GPR55: variants seen among roughly 807,000 people sequenced by gnomAD.
GPR55 encodes the protein G protein-coupled receptor 55, also known as G-protein coupled receptor 55.
GPR55 carries 6 observed loss-of-function variants against 7.9 expected under a neutral mutation model. The observed-to-expected ratio is 0.76, with a 90% CI of 0.41 to 1.49. The LOEUF is 1.49. Ranked by LOEUF, GPR55 falls within the 40% of genes most tolerant of loss-of-function variation. The pLI, the probability that GPR55 is intolerant of heterozygous loss-of-function variation, is 0.01. For missense variants in GPR55, 376 were observed against 406.0 expected, an observed-to-expected ratio of 0.93 and a Z score of 0.63; for synonymous variants, 183 against 166.8, an observed-to-expected ratio of 1.10 and a Z score of -0.75.
chr2:230,945,528 C>T (rs1691299835), intron 1 of GPR55, among the ~76,000 whole-genome samples: 1 of 152,208 alleles, frequency 6.6e-6, no homozygotes, highest in African/African-American at 2.4e-5. Flanking sequence ...ATGGAGGAAT[C>T]TGAATATGGA....
intron 1 of GPR55, among the ~76,000 whole-genome samples, chr2:230,931,664 A>T (rs1314471148): frequency 2.0e-5 from 3 of 152,018 alleles, no homozygotes; most frequent in Non-Finnish European, 1.5e-5. Flanking sequence ...CGACCGCTGC[A>T]CCCACGAGGG....
chr2:230,917,143 G>C (rs1019916830), intron 1 of GPR55, among the ~76,000 whole-genome samples: 3 of 152,076 alleles, frequency 2.0e-5, no homozygotes, highest in Non-Finnish European at 4.4e-5. Flanking sequence ...CAATTGCGAG[G>C]GCAAATGTAG....
upstream of GPR55, among the ~76,000 whole-genome samples, chr2:230,927,750 T>C (rs906463832): frequency 1.3e-5 from 2 of 152,214 alleles, no homozygotes; most frequent in Non-Finnish European, 2.9e-5. Context: ...AATCTGACTG[T>C]GTTTATCAAA....
At chr2:230,930,342 A>G (rs1691015007) in intron 1 of GPR55, among the ~76,000 whole-genome samples, 1 of 152,100 alleles carries the variant, frequency 6.6e-6, no homozygotes, top group Non-Finnish European at 1.5e-5. Flanking sequence ...CACTTTAGCT[A>G]TTGAATTCCT....
intron 1 of GPR55, among the ~76,000 whole-genome samples, chr2:230,914,253 A>G (rs1690660010): frequency 6.6e-6 from 1 of 152,238 alleles, no homozygotes; most frequent in Non-Finnish European, 1.5e-5. Flanking sequence ...CTCCATTGAC[A>G]GTAGCAGGTA....
chr2:230,930,653 A>G (rs1691021454), intron 1 of GPR55, among the ~76,000 whole-genome samples: 1 of 151,704 alleles, frequency 6.6e-6, no homozygotes, highest in African/African-American at 2.4e-5. Flanking sequence ...AAAGGCATTG[A>G]GAGGTTTTGC....
chr2:230,915,454 G>A (rs1183940986), intron 1 of GPR55, among the ~76,000 whole-genome samples: 2 of 152,230 alleles, frequency 1.3e-5, no homozygotes, highest in African/African-American at 4.8e-5. Flanking sequence ...TCCTCCAGAA[G>A]GAAGTAGCAT....
At chr2:230,918,975 C>T (rs1014015789) in intron 1 of GPR55, among the ~76,000 whole-genome samples, 1 of 152,080 alleles carries the variant, frequency 6.6e-6, no homozygotes, top group Non-Finnish European at 1.5e-5. Flanking sequence ...AGACTATGCA[C>T]TAACACATTT....
At position 230,923,441 on chromosome 2, in the gene GPR55, A is replaced by C. The variant is rs1192150593; in HGVS notation, c.-135+1727T>G. ...CCCAAAAATGCCGCAGTTAGAATAC[A>C]CAGCGTATCCACCAGTAACACCATA... On this transcript the variant is annotated intron_variant, in intron 1 of 1. Coordinates refer to ENST00000650999, the MANE Select transcript of GPR55 (RefSeq NM_005683.4). The surrounding 1 kb of genome is among the most constrained non-coding windows in gnomAD (Gnocchi z 4.1). Among the ~76,000 whole-genome samples, 1 of 152,220 alleles carries C rather than the reference A, an allele frequency of 6.6e-6. No individual in the cohort carries two copies. The highest frequency in any genetic ancestry group is 6.5e-5 in the Admixed American group (1 of 15,278).
At chr2:230,931,979 C>T (rs1021372178) in intron 1 of GPR55, among the ~76,000 whole-genome samples, 5 of 152,236 alleles carry the variant, frequency 3.3e-5, no homozygotes, top group African/African-American at 9.6e-5. Context: ...CACCCCAGCC[C>T]GGTCCCGTCG....
intron 1 of GPR55, among the ~76,000 whole-genome samples, chr2:230,914,751 T>C (rs868704010): frequency 6.6e-6 from 1 of 152,140 alleles, no homozygotes; most frequent in African/African-American, 2.4e-5. Context: ...AACCCAGGGG[T>C]CCACCCCAAT....
intron 1 of GPR55, among the ~76,000 whole-genome samples, chr2:230,942,899 T>C (rs1289475009): frequency 6.6e-6 from 1 of 152,072 alleles, no homozygotes; most frequent in African/African-American, 2.4e-5. Flanking sequence ...AGACCAATTT[T>C]TCCTTCATCA....
chr2:230,911,277 T>C (rs1690586397), intron 1 of GPR55, among the ~76,000 whole-genome samples, 181 bp from the exon 2 acceptor site: 1 of 152,220 alleles, frequency 6.6e-6, no homozygotes, highest in Non-Finnish European at 1.5e-5. Context: ...AGAACTCCTT[T>C]TGTTGAAAGA....
intron 1 of GPR55, among the ~76,000 whole-genome samples, chr2:230,939,468 G>T (rs932330809): frequency 1.3e-5 from 2 of 152,212 alleles, no homozygotes; most frequent in African/African-American, 4.8e-5. Flanking sequence ...GTTCTTCTCG[G>T]AAGTGGCCCA....
upstream of GPR55, chr2:230,928,566 G>A (rs944856932): frequency 6.6e-6 from 1 of 152,192 alleles, no homozygotes; most frequent in East Asian, 1.9e-4. Context: ...GTTGTTTTAG[G>A]AGTCGGCATG....
chr2:230,929,158 G>C (rs568356616), upstream of GPR55, among the ~76,000 whole-genome samples: 1 of 152,066 alleles, frequency 6.6e-6, no homozygotes, highest in African/African-American at 2.4e-5. Flanking sequence ...CGGCCACCAA[G>C]CCCCACTTAA....
chr2:230,938,259 C>T (rs944639754), intron 1 of GPR55, among the ~76,000 whole-genome samples: 5 of 148,758 alleles, frequency 3.4e-5, no homozygotes, highest in Admixed American at 2.7e-4. Context: ...GCCCCCTTAA[C>T]TGCCATTTGA....
At chr2:230,942,840 C>G (rs1461228019) in intron 1 of GPR55, among the ~76,000 whole-genome samples, 7 of 151,862 alleles carry the variant, frequency 4.6e-5, no homozygotes, top group Non-Finnish European at 1.0e-4. Flanking sequence ...GGGGAAGAGA[C>G]ACGGAAGGGG....
At chr2:230,949,409 G>A (rs56400623) in intron 1 of GPR55, among the ~76,000 whole-genome samples, 4 of 152,062 alleles carry the variant, frequency 2.6e-5, no homozygotes, top group African/African-American at 4.8e-5. Flanking sequence ...CGATCTGCCC[G>A]CGTTGGCCTC....
Sources: allele counts gnomAD v4.1 joint callset (sites outside exome capture counted in the v4.1 genomes callset), GRCh38; gene constraint gnomAD v4.1.1; non-coding constraint Gnocchi (gnomAD v3.1); transcripts MANE v1.5; gene names NCBI Gene and HGNC (gene_info 2026-07-23, HGNC 2026-07-21).